The following DGLUCY variants were observed in gnomAD, a reference collection of about 807,000 sequenced individuals.
DGLUCY encodes the protein D-glutamate cyclase, mitochondrial.
A neutral mutation model predicts 58.5 loss-of-function variants in DGLUCY; 58 were observed. The observed-to-expected ratio is 0.99, with a 90% CI of 0.80 to 1.23. DGLUCY has a LOEUF of 1.23. Ranked by LOEUF, DGLUCY falls within the 50% of genes most tolerant of loss-of-function variation. The pLI, the probability that DGLUCY is intolerant of heterozygous loss-of-function variation, is 0.00. For missense variants in DGLUCY, 779 were observed against 784.7 expected, an observed-to-expected ratio of 0.99 and a Z score of 0.09; for synonymous variants, 325 against 314.1, an observed-to-expected ratio of 1.03 and a Z score of -0.37.
rs556414262 is a variant in DGLUCY, at chr14:91,136,169, G to A, written c.-81-21470G>A. On this transcript the variant is annotated intron_variant, in intron 1 of 13. Coordinates refer to ENST00000256324, the MANE Select transcript of DGLUCY (RefSeq NM_001102368.3). ...AGGTTGGTCTCGATTTCCTGACCTC[G>A]TGATCCACCTGCCTCGGCCTCCCAA... Among the ~76,000 whole-genome samples, 8 of 151,610 alleles carry A rather than the reference G, an allele frequency of 5.3e-5. No individual in the cohort carries two copies. In the East Asian group the frequency reaches 1.4e-3, roughly 26 times the overall value.
chr14:91,127,637 AC>A (rs1318091528), intron 1 of DGLUCY, among the ~76,000 whole-genome samples: 8 of 152,208 alleles, frequency 5.3e-5, no homozygotes, highest in African/African-American at 1.9e-4. Context: ...GCCAGGGGAA[AC>A]TGCTTCTTCC....
At chr14:91,124,205 C>T (rs1320832791) in intron 1 of DGLUCY, among the ~76,000 whole-genome samples, 2 of 152,094 alleles carry the variant, frequency 1.3e-5, no homozygotes, top group Non-Finnish European at 2.9e-5. Context: ...GGATTACAGG[C>T]GTGAGCCACC....
chr14:91,171,081 A>G (rs1208526942), intron 5 of DGLUCY, among the ~76,000 whole-genome samples: 1 of 152,162 alleles, frequency 6.6e-6, no homozygotes, highest in East Asian at 1.9e-4. Context: ...GCAGGCACCC[A>G]TGGCAGTCTC....
intron 1 of DGLUCY, among the ~76,000 whole-genome samples, chr14:91,066,104 G>A (rs148325912): frequency 0.013 from 1,974 of 152,276 alleles, 19 homozygotes; most frequent in Middle Eastern, 0.027. Context: ...TCCACTGGGC[G>A]TGGTGGCTCA....
intron 1 of DGLUCY, among the ~76,000 whole-genome samples, chr14:91,138,472 CAA>C (rs1349382904): frequency 6.6e-6 from 1 of 151,864 alleles, no homozygotes; most frequent in Non-Finnish European, 1.5e-5. Context: ...GCCTGGGCAA[CAA>C]GAGTGAAATT....
At chr14:91,166,697 T>C (rs117222373) in intron 3 of DGLUCY, among the ~76,000 whole-genome samples, 4,301 of 151,626 alleles carry the variant, frequency 0.028, 77 homozygotes, top group South Asian at 0.037. Flanking sequence ...AAGTTGGGTA[T>C]GGTAGTGTGC....
intron 1 of DGLUCY, among the ~76,000 whole-genome samples, chr14:91,064,390 G>A (rs561311614): frequency 2.0e-5 from 3 of 152,080 alleles, no homozygotes; most frequent in East Asian, 3.9e-4. Flanking sequence ...CAGCACTTTG[G>A]GACGCTGAGA....
rs2049693057 is a variant in DGLUCY at position 91,188,902 on chromosome 14, C to T, written c.935-8C>T. On this transcript the variant is annotated splice_polypyrimidine_tract_variant and splice_region_variant and intron_variant, in intron 8 of 13. Coordinates refer to ENST00000256324, the MANE Select transcript of DGLUCY (RefSeq NM_001102368.3). The stretch of plus-strand genomic sequence containing the variant: ...AGTTACTTTTACATTCTATTTTTGT[C>T]ATTTCAGGGAACCGGGGGATTGGGC... The T allele has an allele frequency of 1.2e-6, 2 of 1,606,690 alleles. No homozygotes were observed. The highest frequency in any genetic ancestry group is 1.1e-5 in the South Asian group (1 of 89,456).
At chr14:91,067,309 A>G (rs1329344403) in intron 1 of DGLUCY, among the ~76,000 whole-genome samples, 7 of 152,220 alleles carry the variant, frequency 4.6e-5, no homozygotes, top group Middle Eastern at 6.8e-3. Flanking sequence ...ATTTAGTTAT[A>G]TAAGTAAGCA....
intron 1 of DGLUCY, among the ~76,000 whole-genome samples, chr14:91,119,472 T>C (rs1052060095): frequency 6.6e-6 from 1 of 152,196 alleles, no homozygotes; most frequent in African/African-American, 2.4e-5. Context: ...GAAGACTCTT[T>C]CTCACTGCAG....
At chr14:91,062,568 T>A (rs867165766) in intron 1 of DGLUCY, among the ~76,000 whole-genome samples, 4,251 of 11,450 alleles carry the variant, frequency 0.37, 554 homozygotes, top group Non-Finnish European at 0.43. Context: ...AATATATATA[T>A]ATATATATAT....
intron 1 of DGLUCY, among the ~76,000 whole-genome samples, chr14:91,123,453 G>A (rs569444935): frequency 6.1e-4 from 91 of 148,582 alleles, no homozygotes; most frequent in Non-Finnish European, 5.6e-4. Flanking sequence ...ATACTGACGC[G>A]CTAGGTTGGG....
intron 5 of DGLUCY, among the ~76,000 whole-genome samples, chr14:91,172,615 C>T (rs1293779070): frequency 1.3e-5 from 2 of 151,852 alleles, no homozygotes; most frequent in Non-Finnish European, 2.9e-5. Flanking sequence ...TAGGCTGCTA[C>T]TGAGGAAGCA....
chr14:91,116,501 T>C (rs1051369565), intron 1 of DGLUCY, among the ~76,000 whole-genome samples: 3 of 152,196 alleles, frequency 2.0e-5, no homozygotes, highest in African/African-American at 7.2e-5. Context: ...TTGAAAAGCA[T>C]AGTGACTGAA....
At chr14:91,103,716 ACT>A (rs2140087403), upstream of DGLUCY, among the ~76,000 whole-genome samples, 1 of 151,386 alleles carries the variant, frequency 6.6e-6, no homozygotes, top group East Asian at 1.9e-4. Context: ...GCAAACGTTC[ACT>A]CTCTCCTGTG....
At chr14:91,192,281 A>T (rs1034470504) in intron 9 of DGLUCY, among the ~76,000 whole-genome samples, 1 of 152,088 alleles carries the variant, frequency 6.6e-6, no homozygotes, top group Non-Finnish European at 1.5e-5. Context: ...CGCATATGAC[A>T]TGCCTAGAGT....
intron 1 of DGLUCY, 118 bp from the exon 2 acceptor site, chr14:91,157,521 C>T (rs1825569003): frequency 6.6e-6 from 1 of 152,162 alleles, no homozygotes. Context: ...CGTAAACGCC[C>T]TAGCATGGTC....
At chr14:91,104,353 C>T (rs1325449804), upstream of DGLUCY, among the ~76,000 whole-genome samples, 9 of 152,050 alleles carry the variant, frequency 5.9e-5, no homozygotes, top group Admixed American at 2.6e-4. Flanking sequence ...TGAGCCACCG[C>T]GCCCGGCCGA....
chr14:91,148,434 G>A (rs1595760840), intron 1 of DGLUCY: 1 of 151,544 alleles, frequency 6.6e-6, no homozygotes, highest in Non-Finnish European at 1.5e-5. Flanking sequence ...TCGAACTCCT[G>A]AGCTCAAGCG....
Sources: allele counts gnomAD v4.1 joint callset (sites outside exome capture counted in the v4.1 genomes callset), GRCh38; gene constraint gnomAD v4.1.1; transcripts MANE v1.5; gene names NCBI Gene and HGNC (gene_info 2026-07-23, HGNC 2026-07-21).